ICAM5: variants seen among roughly 807,000 people sequenced by gnomAD.
The protein encoded by ICAM5 is intercellular adhesion molecule 5.
In ICAM5, 38 loss-of-function variants were observed where a neutral mutation model predicts 78.8. The observed-to-expected ratio is 0.48, with a 90% CI of 0.37 to 0.63. ICAM5 has a LOEUF of 0.63. ICAM5 is among the 30% of genes least tolerant of loss of function. The pLI, the probability that ICAM5 is intolerant of heterozygous loss-of-function variation, is 0.00. For synonymous variants in ICAM5, 544 were observed against 590.9 expected (o/e 0.92, Z 1.15); for missense variants, 1,059 against 1,303.0 (o/e 0.81, Z 2.88).
In ICAM5 at chr19:10,291,303, G is replaced by A; in HGVS notation, c.314G>A (p.Arg105Gln). ...CCCGTCTGCTTCTTCCGCTGCGCGC[G>A]GCGCACACTACAGGCGCGTGGGCTC... Reference protein sequence around the residue: ...TQPVCFFRCARRTLQARGLIR... With the variant: ...TQPVCFFRCAQRTLQARGLIR... Residue 105 changes from arginine to glutamine, a missense_variant, in exon 2 of 11, where the codon CGG becomes CAG. Transcript: ENST00000221980. 6.2e-7 allele frequency: 1 copy of A among 1,612,448 alleles called. No individual in the cohort carries two copies. Among genetic ancestry groups the A allele is most frequent in the Non-Finnish European group, 8.5e-7 (1 of 1,179,822 alleles).
In ICAM5 at chr19:10,293,779, C is replaced by T; in HGVS notation, c.1547C>T (p.Ala516Val). 2 of 1,613,866 alleles carry T rather than the reference C, an allele frequency of 1.2e-6. No individual in the cohort carries two copies. Among genetic ancestry groups the T allele is most frequent in the Non-Finnish European group, 1.7e-6 (2 of 1,180,024 alleles). The change falls in exon 7 of 11, where the codon GCG (alanine) becomes GTG (valine). Residue 516 changes from alanine to valine, a missense_variant. Transcript: ENST00000221980. The surrounding 1 kb of genome is among the most constrained non-coding windows in gnomAD (Gnocchi z 5.0). ...EGTEASLSCV[A>V]HGVPPPDVIC... is the part of the protein sequence containing the mutation. ...ACAGAAGCCTCGCTGAGCTGTGTGG[C>T]GCACGGGGTACCGCCGCCTGATGTG...
intron 10 of ICAM5, among the ~76,000 whole-genome samples, 197 bp downstream of exon 10, chr19:10,295,809 G>T (rs1315255462): frequency 6.6e-6 from 1 of 152,238 alleles, no homozygotes; most frequent in East Asian, 1.9e-4. Context: ...AGGTGGCAGG[G>T]GGACTGAATT....
Position 10,295,501 on chromosome 19 carries a change from A to G in ICAM5, c.2386A>G (p.Asn796Asp), listed in dbSNP as rs1449470622. Residue 796 changes from asparagine (N) to aspartate (D), a missense_variant, in exon 10 of 11, where the codon AAC becomes GAC. Transcript: ENST00000221980. ...GALNIGLSSN[N>D]STLSVAGAMG... Reference sequence around the variant, plus strand: ...CCTCAACATCGGCCTGTCGAGCAACAACAGCACACTGAGCGTGGCAGGCGC... The same window carrying G: ...CCTCAACATCGGCCTGTCGAGCAACGACAGCACACTGAGCGTGGCAGGCGC... The G allele has an allele frequency of 6.4e-7, 1 of 1,567,894 alleles. No homozygotes were observed. The highest frequency in any genetic ancestry group is 1.4e-5 in the African/African-American group (1 of 73,392).
At position 10,294,694 on chromosome 19, in the gene ICAM5, G is replaced by T; in HGVS notation, c.2230+54G>T. On this transcript the variant is annotated intron_variant, in intron 9 of 10. Coordinates refer to ENST00000221980, the MANE Select transcript of ICAM5 (RefSeq NM_003259.4). The surrounding 1 kb of genome is among the most constrained non-coding windows in gnomAD (Gnocchi z 7.7). ...GACACGGTCCTCGGAAGAATGACTC[G>T]CAGCGGTGGGAGCATTCAAGGGCAC... The T allele has an allele frequency of 6.2e-7, 1 of 1,607,290 alleles. No individual in the cohort carries two copies. The highest frequency in any genetic ancestry group is 8.5e-7 in the Non-Finnish European group (1 of 1,178,122).
At position 10,294,389 on chromosome 19, in the gene ICAM5, G is replaced by A; in HGVS notation, c.1991-12G>A. On this transcript the variant is annotated splice_polypyrimidine_tract_variant and intron_variant, in intron 8 of 10. Coordinates refer to ENST00000221980, the MANE Select transcript of ICAM5 (RefSeq NM_003259.4). The surrounding 1 kb of genome is among the most constrained non-coding windows in gnomAD (Gnocchi z 7.7). ...CAGGCACTCCCTGACATCCCCCATG[G>A]CTGCTTTGCAGCGCCACCGGAGATG... The A allele has an allele frequency of 1.9e-6, 3 of 1,612,976 alleles. No individual in the cohort carries two copies. The highest frequency in any genetic ancestry group is 2.5e-6 in the Non-Finnish European group (3 of 1,179,752).
rs1010491988 is a variant in ICAM5, at chr19:10,290,055, T to G, written c.12T>G (p.Pro4=). ...TCCCCGCCGCGGCGATGCCAGGGCC[T>G]TCGCCAGGGCTGCGCCGGGCGCTAC... The part of the protein sequence containing the change: MPG[P]SPGLRRALLG... Residue 4 remains proline (P), a synonymous_variant, in exon 1 of 11, where the codon CCT becomes CCG. Transcript: ENST00000221980. This position sits in a 1 kb window ranked among gnomAD's most constrained non-coding sequence, Gnocchi z 5.7. 1.0e-5 allele frequency: 16 copies of G among 1,541,420 alleles called. No homozygotes were observed. The highest frequency in any genetic ancestry group is 1.3e-5 in the Non-Finnish European group (15 of 1,145,192).
Position 10,293,131 on chromosome 19 carries a change from C to T in ICAM5, c.1350C>T (p.Ala450=), listed in dbSNP as rs1401005811. The T allele has an allele frequency of 2.5e-6, 4 of 1,609,680 alleles. No homozygotes were observed. The highest frequency in any genetic ancestry group is 2.2e-5 in the East Asian group (1 of 44,800). ...ACTGTGCGCGCTCCGACGGCGGGGCCGTGCTGGCTCTGGGCCTGCTGGGTC... is the reference window on the plus strand; with the variant it reads ...ACTGTGCGCGCTCCGACGGCGGGGCTGTGCTGGCTCTGGGCCTGCTGGGTC... ...SVHCARSDGG[A]VLALGLLGPV... The change falls in exon 6 of 11, where the codon GCC becomes GCT. Residue 450 remains alanine, a synonymous_variant. Transcript: ENST00000221980. This position sits in a 1 kb window ranked among gnomAD's most constrained non-coding sequence, Gnocchi z 5.0.
In ICAM5 at chr19:10,295,599, G is replaced by A; in HGVS notation, c.2484G>A (p.Thr828=). The A allele has an allele frequency of 2.6e-6, 4 of 1,541,720 alleles. No individual in the cohort carries two copies. Among genetic ancestry groups the A allele is most frequent in the Non-Finnish European group, 3.5e-6 (4 of 1,145,376 alleles). ...ACGGGCGCCACGCGCGGCGCATCACGGTGCGCGTGGCCGGTAAGTGGCAGC... is the reference window on the plus strand; with the variant it reads ...ACGGGCGCCACGCGCGGCGCATCACAGTGCGCGTGGCCGGTAAGTGGCAGC... ...NAHGRHARRI[T]VRVAGPWLWV... is the part of the protein sequence containing the mutation. Residue 828 remains threonine, a synonymous_variant, in exon 10 of 11, where the codon ACG becomes ACA. Transcript: ENST00000221980.
Position 10,293,588 on chromosome 19 carries a change from A to G in ICAM5, c.1466-110A>G, listed in dbSNP as rs80159611. Reference sequence around the variant, plus strand: ...TGACACCTCCTTGGATCGGCGTCCAAGGGTTATGCAGGGACAACACTTCGT... The same window carrying G: ...TGACACCTCCTTGGATCGGCGTCCAGGGGTTATGCAGGGACAACACTTCGT... On this transcript the variant is annotated intron_variant, in intron 6 of 10. Coordinates refer to ENST00000221980, the MANE Select transcript of ICAM5 (RefSeq NM_003259.4). The surrounding 1 kb of genome is among the most constrained non-coding windows in gnomAD (Gnocchi z 5.0). 5.4e-3 allele frequency: 7,803 copies of G among 1,438,350 alleles called. 25 individuals carry two copies. Among genetic ancestry groups the G allele is most frequent in the Middle Eastern group, 8.9e-3 (49 of 5,502 alleles). 89.1% of individuals were successfully genotyped at this position (1,438,350 alleles called of 1,614,324 possible). A position where few individuals can be genotyped will look rare whatever the true frequency, so the allele number is the denominator to read the frequency against.
chr19:10,295,534 A>G lies in ICAM5; in HGVS notation c.2419A>G (p.Ser807Gly). ...STLSVAGAMG[S>G]HGGEYECAAT... Reference sequence around the variant, plus strand: ...ACTGAGCGTGGCAGGCGCCATGGGAAGCCACGGCGGCGAGTACGAGTGCGC... The same window carrying G: ...ACTGAGCGTGGCAGGCGCCATGGGAGGCCACGGCGGCGAGTACGAGTGCGC... The change falls in exon 10 of 11, where the codon AGC (serine) becomes GGC (glycine). Residue 807 changes from serine to glycine, a missense_variant. This residue lies in a region of ICAM5 where 135 missense variants were observed against 230.2 expected (regional missense o/e 0.59). Transcript: ENST00000221980. The G allele has an allele frequency of 6.5e-7, 1 of 1,550,260 alleles. No individual in the cohort carries two copies. Among genetic ancestry groups the G allele is most frequent in the Non-Finnish European group, 8.7e-7 (1 of 1,149,308 alleles).
intron 10 of ICAM5, among the ~76,000 whole-genome samples, chr19:10,296,119 G>A (rs1364346308): frequency 6.6e-6 from 1 of 152,138 alleles, no homozygotes; most frequent in Non-Finnish European, 1.5e-5. Context: ...GTGTGGTCAC[G>A]GGTTTATATC....
rs1426009788 is a variant in ICAM5 at position 10,293,328 on chromosome 19, G to T, written c.1465+82G>T. 6.7e-7 allele frequency: 1 copy of T among 1,486,834 alleles called. No homozygotes were observed. Among genetic ancestry groups the T allele is most frequent in the South Asian group, 1.4e-5 (1 of 73,970 alleles). The allele number at this position is 1,486,834 out of a possible 1,614,324, so 92.1% of individuals were successfully genotyped here. A position where few individuals can be genotyped will look rare whatever the true frequency, so the allele number is the denominator to read the frequency against. On this transcript the variant is annotated intron_variant, in intron 6 of 10. Transcript: ENST00000221980. The surrounding 1 kb of genome is among the most constrained non-coding windows in gnomAD (Gnocchi z 5.0). The stretch of plus-strand genomic sequence containing the variant: ...AGCCTCCAGGGAAGAGTAGGAGTAG[G>T]GTATGAGGTGTCCCTTTGGGTGAGG...
In ICAM5 at chr19:10,291,633, G is replaced by A. The variant is rs1281923482; in HGVS notation, c.497G>A (p.Arg166His). 3 of 1,611,572 alleles carry A rather than the reference G, an allele frequency of 1.9e-6. No individual in the cohort carries two copies. The highest frequency in any genetic ancestry group is 1.3e-5 in the African/African-American group (1 of 75,048). Residue 166 changes from arginine to histidine, a missense_variant, in exon 3 of 11, where the codon CGC (arginine) becomes CAC (histidine). Arg to His is a conservative substitution (Grantham distance 29, BLOSUM62 0). Coordinates refer to ENST00000221980, the MANE Select transcript of ICAM5 (RefSeq NM_003259.4). ...CTGCGGGGCGCCCAGGAGCTGATCC[G>A]CCGCAGCTTCGCCGGTGAACCACCC... ...TLLRGAQELI[R>H]RSFAGEPPRA... is the part of the protein sequence containing the mutation.
rs1049631085 is a variant in ICAM5, at chr19:10,291,111, G to A, written c.122G>A (p.Arg41His). ...CCCTTCTGGGCGGACCTGCAGCCTC[G>A]CGTGGCGTTCGTGGAGCGCGGGGGC... ...QEPFWADLQP[R>H]VAFVERGGSL... The change falls in exon 2 of 11, where the codon CGC becomes CAC. Residue 41 changes from arginine (R) to histidine (H), a missense_variant. Coordinates refer to ENST00000221980, the MANE Select transcript of ICAM5 (RefSeq NM_003259.4). 4.3e-6 allele frequency: 7 copies of A among 1,611,846 alleles called. No individual in the cohort carries two copies. The highest frequency in any genetic ancestry group is 5.9e-6 in the Non-Finnish European group (7 of 1,179,572).
At position 10,293,083 on chromosome 19, in the gene ICAM5, C is replaced by T; in HGVS notation, c.1302C>T (p.Arg434=). 1 of 1,610,076 alleles carries T rather than the reference C, an allele frequency of 6.2e-7. No homozygotes were observed. ...GPEQTLRCEA[R]GNPEPSVHCA... ...AGCAGACGCTGCGCTGCGAGGCCCG[C>T]GGGAACCCAGAACCCTCAGTGCACT... The change falls in exon 6 of 11, where the codon CGC becomes CGT. Residue 434 remains arginine, a synonymous_variant. Coordinates refer to ENST00000221980, the MANE Select transcript of ICAM5 (RefSeq NM_003259.4). The surrounding 1 kb of genome is among the most constrained non-coding windows in gnomAD (Gnocchi z 5.0).
At chr19:10,292,568 G>A (rs2040183008) in intron 4 of ICAM5, 44 bp from the exon 5 acceptor site, 5 of 1,520,338 alleles carry the variant, frequency 3.3e-6, no homozygotes, top group South Asian at 1.3e-5. Flanking sequence ...TGACCGGAGG[G>A]AGGGGTATGG....
chr19:10,294,488 G>C lies in ICAM5; in HGVS notation c.2078G>C (p.Arg693Pro). Residue 693 changes from arginine (R) to proline (P), a missense_variant, in exon 9 of 11, where the codon CGG becomes CCG. By Grantham distance (103) the Arg-to-Pro change is moderately radical. Around this residue, in one of 3 missense-constraint regions of ICAM5, gnomAD observed 135 missense variants for 230.2 expected, o/e 0.59. Transcript: ENST00000221980. This position sits in a 1 kb window ranked among gnomAD's most constrained non-coding sequence, Gnocchi z 7.7. ...GCTTCCGCGCTGGCCTGCGCCGCCC[G>C]GGGTCGCCCTTCCCCAGGAGTGCGC... ...AEASALACAA[R>P]GRPSPGVRCS... is the part of the protein sequence containing the mutation. 1 of 1,606,836 alleles carries C rather than the reference G, an allele frequency of 6.2e-7. No homozygotes were observed. Among genetic ancestry groups the C allele is most frequent in the Non-Finnish European group, 8.5e-7 (1 of 1,175,634 alleles).
Position 10,294,408 on chromosome 19 carries a change from G to A in ICAM5, c.1998G>A (p.Pro666=), listed in dbSNP as rs2040203837. The part of the protein sequence containing the change: ...KTVVVSAESP[P]EMDESTCPSH... ...CCCATGGCTGCTTTGCAGCGCCACC[G>A]GAGATGGATGAATCTACCTGCCCAA... Residue 666 remains proline (P), a synonymous_variant, in exon 9 of 11, where the codon CCG becomes CCA. Coordinates refer to ENST00000221980, the MANE Select transcript of ICAM5 (RefSeq NM_003259.4). The surrounding 1 kb of genome is among the most constrained non-coding windows in gnomAD (Gnocchi z 7.7). 1.9e-6 allele frequency: 3 copies of A among 1,612,774 alleles called. No homozygotes were observed. Among genetic ancestry groups the A allele is most frequent in the Non-Finnish European group, 2.5e-6 (3 of 1,179,698 alleles).
Position 10,294,284 on chromosome 19 carries a change from C to T in ICAM5, c.1956C>T (p.Gly652=), listed in dbSNP as rs2040202081. 3.7e-6 allele frequency: 6 copies of T among 1,613,368 alleles called. No homozygotes were observed. Among genetic ancestry groups the T allele is most frequent in the African/African-American group, 1.3e-5 (1 of 74,900 alleles). The change falls in exon 8 of 11, where the codon GGC becomes GGT. Residue 652 remains glycine (G), a synonymous_variant. Transcript: ENST00000221980. This position sits in a 1 kb window ranked among gnomAD's most constrained non-coding sequence, Gnocchi z 7.7. ...TCTGCAACGCCACCAACCGCCACGG[C>T]TCCGTGGCCAAAACAGTCGTCGTGA... ...IYVCNATNRH[G]SVAKTVVVSA...
Sources: allele counts gnomAD v4.1 joint callset (sites outside exome capture counted in the v4.1 genomes callset), GRCh38; gene constraint gnomAD v4.1.1; regional missense constraint gnomAD v4.1.1; non-coding constraint Gnocchi (gnomAD v3.1); transcripts MANE v1.5; gene names NCBI Gene and HGNC (gene_info 2026-07-23, HGNC 2026-07-21).